SGCZ: variants seen among roughly 807,000 people sequenced by gnomAD.
The protein encoded by SGCZ is sarcoglycan zeta, also known as zeta-sarcoglycan.
Under a neutral mutation model 41.3 loss-of-function variants are expected in SGCZ, and 40 were observed. That is an observed-to-expected ratio of 0.97 (90% CI 0.75 to 1.26). SGCZ has a LOEUF of 1.26. Ranked by LOEUF, SGCZ falls within the 50% of genes most tolerant of loss-of-function variation. The probability of loss-of-function intolerance (pLI) is 0.00; values close to 1 mark genes in which losing one functional copy is unlikely to be tolerated. For missense variants in SGCZ, 552 were observed against 369.8 expected (o/e 1.49, Z -4.04); for synonymous variants, 206 against 137.5 (o/e 1.50, Z -3.49).
At chr8:14,113,645 T>C (rs761424883) in intron 5 of SGCZ, among the ~76,000 whole-genome samples, 4 of 152,090 alleles carry the variant, frequency 2.6e-5, no homozygotes, top group Non-Finnish European at 5.9e-5. Context: ...TTGTTCAACA[T>C]CCTTATTAGC....
chr8:15,092,014 A>G (rs1440398943), intron 1 of SGCZ, among the ~76,000 whole-genome samples: 1 of 152,150 alleles, frequency 6.6e-6, no homozygotes, highest in Non-Finnish European at 1.5e-5. Flanking sequence ...TCGGCCTCCC[A>G]AAGTCCTGGA....
intron 1 of SGCZ, among the ~76,000 whole-genome samples, chr8:14,605,936 T>A (rs1186498099): frequency 6.6e-6 from 1 of 152,158 alleles, no homozygotes; most frequent in Non-Finnish European, 1.5e-5. Flanking sequence ...ATTCCCTTTA[T>A]ATATAATTAA....
chr8:14,332,053 ATATTTT>A (rs1563262190), intron 2 of SGCZ, among the ~76,000 whole-genome samples: 1 of 152,158 alleles, frequency 6.6e-6, no homozygotes, highest in Non-Finnish European at 1.5e-5. Flanking sequence ...ACCCAAATAC[ATATTTT>A]TATTTTAACT....
At chr8:14,096,600 AG>A (rs1378289082) in intron 7 of SGCZ, among the ~76,000 whole-genome samples, 1 of 152,180 alleles carries the variant, frequency 6.6e-6, no homozygotes, top group Non-Finnish European at 1.5e-5. Context: ...TTTTGGTATC[AG>A]GATGATGCTG....
At chr8:14,755,518 C>A (rs1378542737) in intron 1 of SGCZ, among the ~76,000 whole-genome samples, 11 of 152,110 alleles carry the variant, frequency 7.2e-5, no homozygotes, top group Admixed American at 1.3e-4. Flanking sequence ...CTATGATAGT[C>A]TTCTTTTAAT....
rs150463772 is a variant in SGCZ, at chr8:15,178,621, G to C, written c.39+58964C>G. Among the ~76,000 whole-genome samples the C allele has an allele frequency of 4.1e-4, 63 of 152,226 alleles. 1 individual carries two copies. Among genetic ancestry groups the C allele is most frequent in the African/African-American group, 1.5e-3 (62 of 41,520 alleles). On this transcript the variant is annotated intron_variant, in intron 1 of 7. Coordinates refer to ENST00000382080, the MANE Select transcript of SGCZ (RefSeq NM_139167.4). ...CAAACCTCTTGAACTTATTCATCTT[G>C]CTCAGCTGGAACACTGTACCCATTG... is the stretch of plus-strand genomic sequence containing the variant.
chr8:14,153,541 G>T (rs911786545), intron 5 of SGCZ, among the ~76,000 whole-genome samples: 1 of 152,112 alleles, frequency 6.6e-6, no homozygotes, highest in Non-Finnish European at 1.5e-5. Context: ...AACAAAGAGA[G>T]AAATAAAATG....
intron 1 of SGCZ, among the ~76,000 whole-genome samples, chr8:14,790,100 C>G (rs1800899719): frequency 6.6e-6 from 1 of 152,080 alleles, no homozygotes; most frequent in African/African-American, 2.4e-5. Context: ...ATAATCAAGA[C>G]AGCATTCTGC....
rs1381063612 is a variant in SGCZ at position 14,090,497 on chromosome 8, T to G, written c.885A>C (p.Pro295=). ...VCPNGKLYLS[P]AGVGSTCQSS... ...ACTGACAAGTGGAACCTACTCCTGC[T>G]GGAGAAAGGTAAAGTTTGCCATTGG... is the stretch of plus-strand genomic sequence containing the variant. Residue 295 remains proline (P), a synonymous_variant, in exon 8 of 8, where the codon CCA becomes CCC. Transcript: ENST00000382080. 9 of 1,613,050 alleles carry G rather than the reference T, an allele frequency of 5.6e-6. No homozygotes were observed. Among genetic ancestry groups the G allele is most frequent in the Admixed American group, 1.7e-5 (1 of 59,946 alleles).
intron 1 of SGCZ, among the ~76,000 whole-genome samples, chr8:15,113,003 G>A (rs972961174): frequency 2.6e-4 from 40 of 152,146 alleles, no homozygotes; most frequent in African/African-American, 9.7e-4. Context: ...GGGCCCAGGA[G>A]TTTGAGACCA....
At chr8:14,821,022 A>G (rs1802062347) in intron 1 of SGCZ, among the ~76,000 whole-genome samples, 1 of 151,950 alleles carries the variant, frequency 6.6e-6, no homozygotes, top group South Asian at 2.1e-4. Flanking sequence ...CAAAAAATGA[A>G]AAGATCAACA....
intron 1 of SGCZ, among the ~76,000 whole-genome samples, chr8:15,216,764 C>G (rs1039012192): frequency 3.3e-5 from 5 of 151,954 alleles, no homozygotes; most frequent in Non-Finnish European, 5.9e-5. Flanking sequence ...GCAGCTGCAG[C>G]AGTGATGGAG....
chr8:14,879,825 G>C (rs545507894), intron 1 of SGCZ: 7 of 151,238 alleles, frequency 4.6e-5, no homozygotes, highest in African/African-American at 1.7e-4. Context: ...TTGGGTTTTT[G>C]TTTTTAGGTT....
chr8:15,028,224 G>A (rs1248789326), intron 1 of SGCZ, among the ~76,000 whole-genome samples: 1 of 152,124 alleles, frequency 6.6e-6, no homozygotes, highest in Admixed American at 6.5e-5. Context: ...GTTGCATTAA[G>A]GAAAGTGCTC....
At chr8:14,295,955 G>T (rs1397628678) in intron 3 of SGCZ, among the ~76,000 whole-genome samples, 4 of 152,122 alleles carry the variant, frequency 2.6e-5, no homozygotes, top group Non-Finnish European at 5.9e-5. Flanking sequence ...GCTCTGCAAA[G>T]GCTGTCAGAG....
intron 1 of SGCZ, among the ~76,000 whole-genome samples, chr8:14,738,580 C>T (rs934666206): frequency 6.6e-6 from 1 of 152,072 alleles, no homozygotes; most frequent in East Asian, 1.9e-4. Flanking sequence ...TTCTGATACA[C>T]CACTCTTAAG....
chr8:14,571,267 C>A (rs1444853589), intron 1 of SGCZ, among the ~76,000 whole-genome samples: 1 of 152,152 alleles, frequency 6.6e-6, no homozygotes, highest in Non-Finnish European at 1.5e-5. Context: ...AGTCACCTTC[C>A]ACCAGGTCAC....
rs79854100 is a variant in SGCZ, at chr8:15,001,481, G to C, written c.39+236104C>G. ...ATGGTGGCTCACGCCCGCAATCCCA[G>C]CACTTTGGGAGGCCAAGGCGGGCGG... On this transcript the variant is annotated intron_variant, in intron 1 of 7. Coordinates refer to ENST00000382080, the MANE Select transcript of SGCZ (RefSeq NM_139167.4). Among the ~76,000 whole-genome samples the C allele has an allele frequency of 0.015, 2,216 of 152,282 alleles. 76 individuals are homozygous for C. The East Asian group carries it at 0.15, about 11-fold the overall frequency.
At chr8:14,944,914 C>T (rs1391147565) in intron 1 of SGCZ, among the ~76,000 whole-genome samples, 5 of 152,104 alleles carry the variant, frequency 3.3e-5, no homozygotes, top group Non-Finnish European at 5.9e-5. Flanking sequence ...ACACTTCAGA[C>T]ATGAAAATCA....
Sources: allele counts gnomAD v4.1 joint callset (sites outside exome capture counted in the v4.1 genomes callset), GRCh38; gene constraint gnomAD v4.1.1; transcripts MANE v1.5; gene names NCBI Gene and HGNC (gene_info 2026-07-23, HGNC 2026-07-21).